Variants in CCDC85A observed in about 807,000 individuals in gnomAD.
CCDC85A encodes coiled-coil domain containing 85A.
Under a neutral mutation model 50.2 loss-of-function variants are expected in CCDC85A, and 38 were observed. That is an observed-to-expected ratio of 0.76 (90% CI 0.58 to 0.99). The LOEUF (loss-of-function observed/expected upper bound fraction) is 0.99. Among genes scored for constraint, CCDC85A ranks in the 50% least tolerant of loss-of-function variants. The probability of loss-of-function intolerance (pLI) is 0.00; values close to 1 mark genes in which losing one functional copy is unlikely to be tolerated. For missense variants in CCDC85A, 820 were observed against 742.0 expected, an observed-to-expected ratio of 1.11 and a Z score of -1.22; for synonymous variants, 366 against 301.4, an observed-to-expected ratio of 1.21 and a Z score of -2.22.
At chr2:56,356,335 G>A (rs1052706589) in intron 3 of CCDC85A, among the ~76,000 whole-genome samples, 9 of 152,146 alleles carry the variant, frequency 5.9e-5, no homozygotes, top group Non-Finnish European at 1.0e-4. Flanking sequence ...AACAAGCCCC[G>A]TTCACTTTCT....
intron 2 of CCDC85A, among the ~76,000 whole-genome samples, chr2:56,321,591 T>C (rs1315179757): frequency 2.0e-5 from 3 of 152,266 alleles, no homozygotes; most frequent in Non-Finnish European, 4.4e-5. Context: ...ACAAGGGATA[T>C]GAAGGACGTT....
chr2:56,353,607 T>C (rs1675066843), intron 3 of CCDC85A, among the ~76,000 whole-genome samples: 1 of 152,192 alleles, frequency 6.6e-6, no homozygotes, highest in Non-Finnish European at 1.5e-5. Context: ...TTGAATTGGT[T>C]GTATCTAGTT....
At chr2:56,354,405 T>G (rs1327763329) in intron 3 of CCDC85A, among the ~76,000 whole-genome samples, 2 of 152,342 alleles carry the variant, frequency 1.3e-5, no homozygotes, top group Admixed American at 6.5e-5. Flanking sequence ...CATCTGTGCT[T>G]GTGATACACA....
At chr2:56,347,605 C>A (rs1674691061) in intron 3 of CCDC85A, among the ~76,000 whole-genome samples, 2 of 151,986 alleles carry the variant, frequency 1.3e-5, no homozygotes, top group African/African-American at 2.4e-5. Context: ...TTCCATAGTA[C>A]TTGAAAACCA....
chr2:56,213,770 T>G (rs1178601856), intron 2 of CCDC85A, among the ~76,000 whole-genome samples: 2 of 152,024 alleles, frequency 1.3e-5, no homozygotes, highest in East Asian at 3.9e-4. Context: ...TTAAGTGATT[T>G]TCTTTTCTCC....
intron 2 of CCDC85A, among the ~76,000 whole-genome samples, chr2:56,326,066 T>G (rs1673456062): frequency 6.6e-6 from 1 of 152,126 alleles, no homozygotes; most frequent in South Asian, 2.1e-4. Flanking sequence ...TCAAATTCTT[T>G]GAAACTTGCT....
Position 56,184,397 on chromosome 2 carries a change from A to C in CCDC85A, c.-228A>C. ...GTTGGGACGGGCCTCGGCAGCAGCA[A>C]GCGGCTGGCTGCCGGGCCCTGGGGG... On this transcript the variant is annotated 5_prime_UTR_variant, in exon 1 of 6. Transcript: ENST00000407595. The C allele has an allele frequency of 2.0e-6, 1 of 501,418 alleles. No individual in the cohort carries two copies. Among genetic ancestry groups the C allele is most frequent in the Non-Finnish European group, 2.9e-6 (1 of 339,916 alleles). 31.1% of individuals were successfully genotyped at this position (501,418 alleles called of 1,614,324 possible). A position where few individuals can be genotyped will look rare whatever the true frequency, so the allele number is the denominator to read the frequency against.
chr2:56,328,398 G>C (rs965186289), intron 2 of CCDC85A, among the ~76,000 whole-genome samples: 1 of 152,066 alleles, frequency 6.6e-6, no homozygotes. Context: ...AAGTGAACTG[G>C]GGAAGGGTTT....
chr2:56,192,856 C>T lies in CCDC85A; in HGVS notation c.656C>T (p.Thr219Ile), dbSNP rs1676356160. Residue 219 changes from threonine to isoleucine, a missense_variant, in exon 2 of 6, where the codon ACT (threonine) becomes ATT (isoleucine). Physicochemically the swap from Thr to Ile is moderately conservative, Grantham distance 89. Transcript: ENST00000407595. This position sits in a 1 kb window ranked among gnomAD's most constrained non-coding sequence, Gnocchi z 4.7. ...DGSSTSSTGS[T>I]DSPDHHKHHA... is the part of the protein sequence containing the mutation. ...AGCAGCACCTCCAGCACTGGCAGCA[C>T]TGACAGCCCGGACCACCACAAGCAC... 1 of 1,613,228 alleles carries T rather than the reference C, an allele frequency of 6.2e-7. No individual in the cohort carries two copies. Among genetic ancestry groups the T allele is most frequent in the Admixed American group, 1.7e-5 (1 of 59,980 alleles).
intron 2 of CCDC85A, among the ~76,000 whole-genome samples, chr2:56,295,214 A>G (rs1671892079): frequency 6.6e-6 from 1 of 152,198 alleles, no homozygotes; most frequent in African/African-American, 2.4e-5. Context: ...CAGAGCTTCA[A>G]AGAAAGAGGT....
At chr2:56,376,951 G>T (rs1292818887) in intron 5 of CCDC85A, among the ~76,000 whole-genome samples, 1 of 152,216 alleles carries the variant, frequency 6.6e-6, no homozygotes, top group African/African-American at 2.4e-5. Context: ...ACTTTCTGTG[G>T]CATGCACAAA....
At chr2:56,247,974 A>G (rs190615184) in intron 2 of CCDC85A, among the ~76,000 whole-genome samples, 175 of 152,302 alleles carry the variant, frequency 1.1e-3, no homozygotes, top group African/African-American at 3.4e-3. Flanking sequence ...CCAGTGTACA[A>G]TGGGGAGCAG....
intron 3 of CCDC85A, among the ~76,000 whole-genome samples, chr2:56,348,021 A>C (rs1201835923): frequency 6.6e-6 from 1 of 152,200 alleles, no homozygotes; most frequent in African/African-American, 2.4e-5. Context: ...GTTACTATTC[A>C]CATGTAATGC....
intron 3 of CCDC85A, among the ~76,000 whole-genome samples, chr2:56,345,616 G>A (rs1674596839): frequency 6.6e-6 from 1 of 152,126 alleles, no homozygotes; most frequent in Non-Finnish European, 1.5e-5. Context: ...AAACTAACAT[G>A]AATACAGACA....
chr2:56,307,666 A>T (rs1456934034), intron 2 of CCDC85A, among the ~76,000 whole-genome samples: 1 of 152,126 alleles, frequency 6.6e-6, no homozygotes, highest in Non-Finnish European at 1.5e-5. Flanking sequence ...TTTATTTTAC[A>T]GGTGAGGAAA....
At chr2:56,325,679 A>G (rs74781679) in intron 2 of CCDC85A, among the ~76,000 whole-genome samples, 1,843 of 152,226 alleles carry the variant, frequency 0.012, 49 homozygotes, top group African/African-American at 0.041. Context: ...TACAAGCCAG[A>G]AGAAACTGCA....
chr2:56,371,632 T>C (rs570724099), intron 3 of CCDC85A, among the ~76,000 whole-genome samples: 1 of 152,244 alleles, frequency 6.6e-6, no homozygotes, highest in African/African-American at 2.4e-5. Flanking sequence ...CTGATCATTT[T>C]AATAGGATTA....
At chr2:56,245,941 G>A (rs192479315) in intron 2 of CCDC85A, among the ~76,000 whole-genome samples, 1 of 152,228 alleles carries the variant, frequency 6.6e-6, no homozygotes, top group East Asian at 1.9e-4. Flanking sequence ...ATAAATTACC[G>A]AGTCTCAGGT....
rs367803880 is a variant in CCDC85A at position 56,375,445 on chromosome 2, G to A, written c.1453-371G>A. 3.0e-4 allele frequency among the ~76,000 whole-genome samples: 46 copies of A among 152,280 alleles called. 1 individual carries two copies. In the East Asian group the frequency reaches 3.9e-3, roughly 13 times the overall value. ...TGTGTCTGCATATTCTGAGACATAT[G>A]GAATATGGCATTTGGCTTGCTGAGT... On this transcript the variant is annotated intron_variant, in intron 4 of 5. Transcript: ENST00000407595.
Sources: gnomAD v4.1 joint callset for allele counts (sites outside exome capture counted in the v4.1 genomes callset) on GRCh38, gnomAD v4.1.1 for gene constraint, Gnocchi (gnomAD v3.1) non-coding constraint, MANE v1.5 for transcripts, NCBI Gene and HGNC (gene_info 2026-07-23, HGNC 2026-07-21) for gene names.